The following GRIA4 variants were observed in gnomAD, a reference collection of about 807,000 sequenced individuals.
The protein encoded by GRIA4 is glutamate receptor 4.
In GRIA4, 34 loss-of-function variants were observed where a neutral mutation model predicts 104.0. The ratio of observed to expected loss-of-function variants is 0.33; its 90% CI spans 0.25 to 0.44. GRIA4 has a LOEUF of 0.44. Among genes scored for constraint, GRIA4 ranks in the 20% least tolerant of loss-of-function variants. The pLI is 1.00. For missense variants in GRIA4, 750 were observed against 1,096.5 expected (o/e 0.68, Z 4.46); for synonymous variants, 386 against 381.9 (o/e 1.01, Z -0.13).
intron 7 of GRIA4, among the ~76,000 whole-genome samples, chr11:105,901,196 T>C (rs1298218496): frequency 6.6e-6 from 1 of 152,162 alleles, no homozygotes; most frequent in African/African-American, 2.4e-5. Flanking sequence ...TTCATCCTCA[T>C]AATAATCACA....
intron 14 of GRIA4, among the ~76,000 whole-genome samples, chr11:105,968,421 G>A (rs1000442794): frequency 6.6e-6 from 1 of 152,134 alleles, no homozygotes; most frequent in Non-Finnish European, 1.5e-5. Context: ...AGACTATTTG[G>A]GGTCGCTGCA....
chr11:105,938,858 GA>G (rs1948116552), intron 14 of GRIA4, among the ~76,000 whole-genome samples: 2 of 152,086 alleles, frequency 1.3e-5, no homozygotes, highest in African/African-American at 4.8e-5. Context: ...GTGTCCCAGG[GA>G]AAAATAATTG....
Position 105,903,866 on chromosome 11 carries a change from G to A in GRIA4, c.938G>A (p.Arg313Gln), listed in dbSNP as rs150237011. 1.9e-5 allele frequency: 31 copies of A among 1,612,202 alleles called. No individual in the cohort carries two copies. Among genetic ancestry groups the A allele is most frequent in the East Asian group, 8.9e-5 (4 of 44,844 alleles). ...DGVLVMAETFRSLRRQKIDIS... is the reference protein window; with the variant it reads ...DGVLVMAETFQSLRRQKIDIS... Reference sequence around the variant, plus strand: ...GTCCTTGTGATGGCTGAAACTTTCCGAAGTCTTAGGAGGCAGAAAATTGAT... The same window carrying A: ...GTCCTTGTGATGGCTGAAACTTTCCAAAGTCTTAGGAGGCAGAAAATTGAT... Residue 313 changes from arginine (R) to glutamine (Q), a missense_variant, in exon 8 of 17, where the codon CGA becomes CAA. By Grantham distance (43) the Arg-to-Gln change is conservative (BLOSUM62 1). Transcript: ENST00000282499.
intron 3 of GRIA4, among the ~76,000 whole-genome samples, chr11:105,722,665 G>A (rs958529294): frequency 1.3e-5 from 2 of 151,848 alleles, no homozygotes; most frequent in Admixed American, 6.6e-5. Flanking sequence ...ACTTTCTAAG[G>A]TTAAAATGGT....
chr11:105,866,297 C>G (rs1222527976), intron 5 of GRIA4, among the ~76,000 whole-genome samples: 3 of 151,602 alleles, frequency 2.0e-5, no homozygotes, highest in Non-Finnish European at 4.4e-5. Flanking sequence ...TTTGTTTTAT[C>G]CTAAAGCAAT....
At chr11:105,948,297 A>C (rs1948368325) in intron 14 of GRIA4, among the ~76,000 whole-genome samples, 1 of 152,312 alleles carries the variant, frequency 6.6e-6, no homozygotes. Flanking sequence ...AAGGAACCTG[A>C]AATCTTAAAT....
chr11:105,878,665 T>C (rs1278670918), intron 5 of GRIA4, among the ~76,000 whole-genome samples: 3 of 152,208 alleles, frequency 2.0e-5, no homozygotes, highest in African/African-American at 7.2e-5. Context: ...TTTGCTGGGC[T>C]ATGGTGTGCT....
At chr11:105,622,167 A>T (rs72991703) in intron 3 of GRIA4, among the ~76,000 whole-genome samples, 10,164 of 151,826 alleles carry the variant, frequency 0.067, 379 homozygotes, top group African/African-American at 0.08. Context: ...TGTTTAGTCA[A>T]ACTTGTGACT....
intron 3 of GRIA4, among the ~76,000 whole-genome samples, chr11:105,650,617 A>G (rs576426527): frequency 6.6e-6 from 1 of 152,306 alleles, no homozygotes; most frequent in East Asian, 1.9e-4. Flanking sequence ...TGGTGTGCAT[A>G]AGAATCTCTA....
In GRIA4 at chr11:105,979,856, G is replaced by C; in HGVS notation, c.*117G>C. 1 of 716,730 alleles carries C rather than the reference G, an allele frequency of 1.4e-6. No individual in the cohort carries two copies. Among genetic ancestry groups the C allele is most frequent in the Non-Finnish European group, 2.3e-6 (1 of 432,322 alleles). 44.4% of individuals were successfully genotyped at this position (716,730 alleles called of 1,614,324 possible). ...AAACCAATCCTTTGGCTGAGAGCGG[G>C]AAGTCCGTCCTAACGCGCTGGCCGG... On this transcript the variant is annotated 3_prime_UTR_variant, in exon 17 of 17. Transcript: ENST00000282499.
intron 4 of GRIA4, among the ~76,000 whole-genome samples, chr11:105,763,700 A>G (rs1353261614): frequency 6.6e-6 from 1 of 152,218 alleles, no homozygotes; most frequent in Non-Finnish European, 1.5e-5. Context: ...CTACAAAAGA[A>G]AAACAGCTTA....
At chr11:105,653,177 C>T (rs1277486168) in intron 3 of GRIA4, among the ~76,000 whole-genome samples, 1 of 152,224 alleles carries the variant, frequency 6.6e-6, no homozygotes, top group Non-Finnish European at 1.5e-5. Context: ...TCCCAAAGTC[C>T]TGGGATTACA....
At chr11:105,731,042 T>G (rs1169817771) in intron 3 of GRIA4, among the ~76,000 whole-genome samples, 2 of 151,960 alleles carry the variant, frequency 1.3e-5, no homozygotes, top group Admixed American at 6.6e-5. Flanking sequence ...CTAACTAAAC[T>G]AAAGAGCTTC....
intron 14 of GRIA4, among the ~76,000 whole-genome samples, chr11:105,969,153 G>A (rs1414205897): frequency 6.6e-6 from 1 of 152,086 alleles, no homozygotes; most frequent in Non-Finnish European, 1.5e-5. Flanking sequence ...GCCCTTTGAA[G>A]AATACAGCCC....
intron 5 of GRIA4, among the ~76,000 whole-genome samples, chr11:105,880,066 CTATATT>C (rs902766074): frequency 2.7e-4 from 41 of 152,248 alleles, no homozygotes; most frequent in African/African-American, 9.4e-4. Context: ...CTTATTAGAA[CTATATT>C]TATATTGTTT....
chr11:105,612,220 G>C, intron 2 of GRIA4, 56 bp from the exon 3 acceptor site: 1 of 1,520,970 alleles, frequency 6.6e-7, no homozygotes, highest in Non-Finnish European at 9.1e-7. Context: ...GCTTGGGGTG[G>C]GTATAATGTT....
chr11:105,732,237 C>A (rs1227059610), intron 3 of GRIA4, among the ~76,000 whole-genome samples: 1 of 152,118 alleles, frequency 6.6e-6, no homozygotes, highest in African/African-American at 2.4e-5. Flanking sequence ...CTGCAAACAG[C>A]AAAGAGGTCA....
rs1859246681 is a variant in GRIA4 at position 105,981,507 on chromosome 11, C to T, written c.*1768C>T. The T allele has an allele frequency of 6.6e-6, 1 of 151,398 alleles. No homozygotes were observed. The highest frequency in any genetic ancestry group is 1.5e-5 in the Non-Finnish European group (1 of 67,920). 9.4% of individuals were successfully genotyped at this position (151,398 alleles called of 1,614,324 possible). Reference sequence around the variant, plus strand: ...CATCAACTCTCAAGATCCCATTCGCCATTCAATCTCTGTGCTGCAGTAAGA... The same window carrying T: ...CATCAACTCTCAAGATCCCATTCGCTATTCAATCTCTGTGCTGCAGTAAGA... On this transcript the variant is annotated 3_prime_UTR_variant, in exon 17 of 17. Transcript: ENST00000282499.
At chr11:105,738,036 TC>T (rs771517749) in intron 3 of GRIA4, among the ~76,000 whole-genome samples, 1 of 150,940 alleles carries the variant, frequency 6.6e-6, no homozygotes, top group Non-Finnish European at 1.5e-5. Context: ...CTGTTCGCTT[TC>T]CCCAGCTAAC....
Sources: gnomAD v4.1 joint callset for allele counts (sites outside exome capture counted in the v4.1 genomes callset) on GRCh38, gnomAD v4.1.1 for gene constraint, MANE v1.5 for transcripts, NCBI Gene and HGNC (gene_info 2026-07-23, HGNC 2026-07-21) for gene names.